Variants in MTHFD1L observed in about 807,000 individuals in gnomAD.
MTHFD1L encodes the protein monofunctional C1-tetrahydrofolate synthase, mitochondrial.
Under a neutral mutation model 119.5 loss-of-function variants are expected in MTHFD1L, and 81 were observed. That is an observed-to-expected ratio of 0.68 (90% CI 0.57 to 0.82). The LOEUF (loss-of-function observed/expected upper bound fraction) is 0.82, where lower values mean the gene tolerates loss of function less well. Ranked by LOEUF, MTHFD1L falls within the 40% of genes least tolerant of loss-of-function variation. MTHFD1L has a pLI of 0.00. For missense variants in MTHFD1L, 1,125 were observed against 1,253.4 expected, an observed-to-expected ratio of 0.90 and a Z score of 1.55; for synonymous variants, 430 against 475.2, an observed-to-expected ratio of 0.90 and a Z score of 1.24.
intron 20 of MTHFD1L, among the ~76,000 whole-genome samples, chr6:151,009,246 T>G (rs1352446992): frequency 6.6e-6 from 1 of 151,550 alleles, no homozygotes; most frequent in Non-Finnish European, 1.5e-5. Context: ...GAAGAAAAGC[T>G]TCACTGGCTG....
chr6:151,053,033 T>C (rs909241970), intron 26 of MTHFD1L, among the ~76,000 whole-genome samples: 1 of 152,222 alleles, frequency 6.6e-6, no homozygotes, highest in Non-Finnish European at 1.5e-5. Context: ...TGGACTATTA[T>C]TTGCTACAGA....
chr6:151,082,917 C>T (rs1444594678), intron 26 of MTHFD1L, among the ~76,000 whole-genome samples: 2 of 152,178 alleles, frequency 1.3e-5, no homozygotes, highest in Admixed American at 6.5e-5. Flanking sequence ...TAATGCTTTG[C>T]CCCACACCTG....
At chr6:150,939,673 C>T (rs1792736081) in intron 13 of MTHFD1L, among the ~76,000 whole-genome samples, 1 of 141,052 alleles carries the variant, frequency 7.1e-6, no homozygotes, top group Non-Finnish European at 1.5e-5. Context: ...CGTCAAGCTC[C>T]TTGCAGACTC....
chr6:150,868,383 A>C (rs535894420), intron 1 of MTHFD1L, among the ~76,000 whole-genome samples: 24 of 148,814 alleles, frequency 1.6e-4, no homozygotes, highest in Non-Finnish European at 3.1e-4. Context: ...TCTGTCGCAC[A>C]GGTTGGAGTG....
At chr6:150,884,024 G>A (rs1358883600) in intron 5 of MTHFD1L, among the ~76,000 whole-genome samples, 2 of 152,066 alleles carry the variant, frequency 1.3e-5, no homozygotes, top group African/African-American at 4.8e-5. Flanking sequence ...CTCCAGTCCT[G>A]GCTGGGCACA....
At chr6:150,957,208 G>T (rs1274131577) in intron 17 of MTHFD1L, among the ~76,000 whole-genome samples, 1 of 152,148 alleles carries the variant, frequency 6.6e-6, no homozygotes, top group Non-Finnish European at 1.5e-5. Context: ...TAAGTGTTCA[G>T]TAAATATCTG....
chr6:150,892,691 C>T (rs1337300129), intron 7 of MTHFD1L, among the ~76,000 whole-genome samples: 1 of 152,214 alleles, frequency 6.6e-6, no homozygotes, highest in Non-Finnish European at 1.5e-5. Context: ...CAGCCTGTGT[C>T]TTTCATGTTA....
chr6:151,086,411 G>A (rs188716655), intron 26 of MTHFD1L, among the ~76,000 whole-genome samples: 141 of 152,108 alleles, frequency 9.3e-4, no homozygotes, highest in African/African-American at 3.1e-3. Context: ...AAACAATTCC[G>A]TCCCTCACAT....
chr6:151,033,945 G>A (rs1252846002), intron 24 of MTHFD1L, among the ~76,000 whole-genome samples: 1 of 152,112 alleles, frequency 6.6e-6, no homozygotes, highest in East Asian at 1.9e-4. Flanking sequence ...GGAGGCCGAG[G>A]TGGACAGTTT....
chr6:151,010,922 C>T (rs1383740901), intron 21 of MTHFD1L, among the ~76,000 whole-genome samples: 1 of 152,176 alleles, frequency 6.6e-6, no homozygotes, highest in Non-Finnish European at 1.5e-5. Flanking sequence ...CATCATGAAA[C>T]GCTGTAAAGC....
chr6:151,077,828 C>G (rs1792697497), intron 26 of MTHFD1L, among the ~76,000 whole-genome samples: 1 of 152,016 alleles, frequency 6.6e-6, no homozygotes, highest in Non-Finnish European at 1.5e-5. Context: ...CTTTGGAAGG[C>G]CGAGGCGGGC....
At chr6:150,879,103 GA>G (rs1319212587) in intron 4 of MTHFD1L, among the ~76,000 whole-genome samples, 1 of 152,102 alleles carries the variant, frequency 6.6e-6, no homozygotes, top group Non-Finnish European at 1.5e-5. Flanking sequence ...TAAAAACCAA[GA>G]GTTTATTACT....
intron 1 of MTHFD1L, among the ~76,000 whole-genome samples, chr6:150,871,023 T>C (rs1016209501): frequency 6.9e-6 from 1 of 145,776 alleles, no homozygotes. Context: ...TAATTATATA[T>C]ACCTTAATTT....
intron 4 of MTHFD1L, among the ~76,000 whole-genome samples, chr6:150,882,214 C>T (rs1781492697): frequency 6.6e-6 from 1 of 152,130 alleles, no homozygotes; most frequent in Non-Finnish European, 1.5e-5. Context: ...TAGCATAAGC[C>T]TTTGGAAAGG....
intron 15 of MTHFD1L, among the ~76,000 whole-genome samples, chr6:150,947,823 AAGTGGT>A (rs1345161823): frequency 6.6e-6 from 1 of 152,148 alleles, no homozygotes; most frequent in Non-Finnish European, 1.5e-5. Context: ...CAGCAGGCAC[AAGTGGT>A]AGTTAGCTGT....
At chr6:151,053,711 T>C (rs1319677832) in intron 26 of MTHFD1L, among the ~76,000 whole-genome samples, 2 of 151,840 alleles carry the variant, frequency 1.3e-5, no homozygotes, top group African/African-American at 4.8e-5. Context: ...AATACAAAAA[T>C]TAGCTGGGCA....
In MTHFD1L at chr6:151,039,773, G is replaced by T. The variant is rs1786775612; in HGVS notation, c.2847+2656G>T. 6.6e-6 allele frequency among the ~76,000 whole-genome samples: 1 copy of T among 152,110 alleles called. No individual in the cohort carries two copies. Among genetic ancestry groups the T allele is most frequent in the Non-Finnish European group, 1.5e-5 (1 of 68,028 alleles). ...CTACTAAAAATACAAAAATTTGCCG[G>T]GCGGGGTGGTGGGCACCTATAATCC... On this transcript the variant is annotated intron_variant, in intron 26 of 27. Transcript: ENST00000367321. The surrounding 1 kb of genome is among the most constrained non-coding windows in gnomAD (Gnocchi z 4.4).
At chr6:150,978,562 G>A (rs148948559) in intron 20 of MTHFD1L, among the ~76,000 whole-genome samples, 1 of 152,270 alleles carries the variant, frequency 6.6e-6, no homozygotes, top group African/African-American at 2.4e-5. Flanking sequence ...TTCAGGATTA[G>A]GATTTAGAAA....
At position 150,926,202 on chromosome 6, in the gene MTHFD1L, T is replaced by C; in HGVS notation, c.1163T>C (p.Ile388Thr). ...AKEIGLLADE[I>T]EIYGKSKAKV... is the part of the protein sequence containing the mutation. ...GAGATTGGATTGCTTGCAGATGAAATTGAAATCTATGGCAAAAGCAAAGCC... is the reference window on the plus strand; with the variant it reads ...GAGATTGGATTGCTTGCAGATGAAACTGAAATCTATGGCAAAAGCAAAGCC... Residue 388 changes from isoleucine to threonine, a missense_variant, in exon 11 of 28, where the codon ATT becomes ACT. This residue lies in a region of MTHFD1L where 1,058 missense variants were observed against 1,151.2 expected (regional missense o/e 0.92). Coordinates refer to ENST00000367321, the MANE Select transcript of MTHFD1L (RefSeq NM_015440.5). The surrounding 1 kb of genome is among the most constrained non-coding windows in gnomAD (Gnocchi z 4.3). 6.2e-7 allele frequency: 1 copy of C among 1,614,060 alleles called. No individual in the cohort carries two copies. Among genetic ancestry groups the C allele is most frequent in the Non-Finnish European group, 8.5e-7 (1 of 1,180,018 alleles).
Sources: gnomAD v4.1 joint callset for allele counts (sites outside exome capture counted in the v4.1 genomes callset) on GRCh38, gnomAD v4.1.1 for gene constraint, gnomAD v4.1.1 regional missense constraint, Gnocchi (gnomAD v3.1) non-coding constraint, MANE v1.5 for transcripts, NCBI Gene and HGNC (gene_info 2026-07-23, HGNC 2026-07-21) for gene names.